CTNNBL1: variants seen among roughly 807,000 people sequenced by gnomAD.
The protein encoded by CTNNBL1 is beta-catenin-like protein 1.
Under a neutral mutation model 72.7 loss-of-function variants are expected in CTNNBL1, and 31 were observed. That is an observed-to-expected ratio of 0.43 (90% CI 0.32 to 0.58). The LOEUF is 0.58. CTNNBL1 is among the 20% of genes least tolerant of loss of function. The pLI is 0.08. For missense variants in CTNNBL1, 534 were observed against 725.1 expected (o/e 0.74, Z 3.03); for synonymous variants, 240 against 267.3 (o/e 0.90, Z 1.00).
chr20:37,840,130 C>T lies in CTNNBL1; in HGVS notation c.1242C>T (p.Leu414=). ...EEHVCSILAS[L]LRNLRGQQRT... ...ATGTCTGTTCGATCCTGGCTTCCCT[C>T]CTGCGGAACCTGAGAGGGCAGCAGC... Residue 414 remains leucine (L), a synonymous_variant, in exon 12 of 16, where the codon CTC becomes CTT. Transcript: ENST00000361383. The T allele has an allele frequency of 6.2e-7, 1 of 1,613,894 alleles. No individual in the cohort carries two copies. The highest frequency in any genetic ancestry group is 8.5e-7 in the Non-Finnish European group (1 of 1,179,868).
At chr20:37,761,377 A>G (rs2073416236) in intron 5 of CTNNBL1, among the ~76,000 whole-genome samples, 1 of 152,212 alleles carries the variant, frequency 6.6e-6, no homozygotes, top group African/African-American at 2.4e-5. Flanking sequence ...TTGAAGCCCT[A>G]TCTTGGTTTG....
At position 37,732,981 on chromosome 20, in the gene CTNNBL1, GA is replaced by G; in HGVS notation, c.136del (p.Met46Ter). 1 of 1,614,072 alleles carries G rather than the reference GA, an allele frequency of 6.2e-7. No homozygotes were observed. Among genetic ancestry groups the G allele is most frequent in the Non-Finnish European group, 8.5e-7 (1 of 1,180,012 alleles). On this transcript the variant is annotated frameshift_variant, in exon 2 of 16. Transcript: ENST00000361383. LOFTEE classifies it high-confidence loss of function. ...TRERGRYREE[E>X]MTVVEEADDD... ...AGAACGCGGCCGCTATCGGGAAGAA[GA>G]AATGACTGTGGTGGAGGAAGCGGAT...
At chr20:37,846,158 G>A (rs2235464) in intron 13 of CTNNBL1, among the ~76,000 whole-genome samples, 1 of 151,870 alleles carries the variant, frequency 6.6e-6, no homozygotes, top group Non-Finnish European at 1.5e-5. Context: ...AGTGGGGAGA[G>A]GTCATCTAAG....
intron 5 of CTNNBL1, among the ~76,000 whole-genome samples, chr20:37,758,550 A>G (rs1184619488): frequency 6.6e-6 from 1 of 152,190 alleles, no homozygotes; most frequent in African/African-American, 2.4e-5. Flanking sequence ...CAGATTCCCC[A>G]GTTCACTGGT....
rs750833123 is a variant in CTNNBL1 at position 37,733,048 on chromosome 20, GGGAAGA to G, written c.215_219+1del. Reference sequence around the variant, plus strand: ...CTGCTGCAGATTATTGACAGAGATGGGGAAGAGGAAGAGGAAGAGGTAACGTGGCAG... The same window carrying G: ...CTGCTGCAGATTATTGACAGAGATGGGGAAGAGGAAGAGGTAACGTGGCAG... On this transcript the variant is annotated inframe_deletion, in exon 2 of 16. Transcript: ENST00000361383. 29 of 1,613,236 alleles carry G rather than the reference GGGAAGA, an allele frequency of 1.8e-5. No individual in the cohort carries two copies. The highest frequency in any genetic ancestry group is 3.3e-5 in the Admixed American group (2 of 59,988).
At chr20:37,714,849 C>T (rs535118958) in intron 1 of CTNNBL1, among the ~76,000 whole-genome samples, 1 of 152,284 alleles carries the variant, frequency 6.6e-6, no homozygotes, top group East Asian at 1.9e-4. Flanking sequence ...CACAACACTG[C>T]TACCCCACAT....
intron 7 of CTNNBL1, among the ~76,000 whole-genome samples, chr20:37,768,872 G>A (rs778520530): frequency 3.3e-5 from 5 of 152,012 alleles, no homozygotes; most frequent in Admixed American, 6.6e-5. Context: ...TCTGCCTCCC[G>A]GGTTAAGGTG....
At chr20:37,789,528 G>T (rs1167541497) in intron 10 of CTNNBL1, among the ~76,000 whole-genome samples, 3 of 152,166 alleles carry the variant, frequency 2.0e-5, no homozygotes, top group Non-Finnish European at 4.4e-5. Flanking sequence ...ACTTACCTGG[G>T]GTGGCCATTT....
chr20:37,865,793 G>A (rs952551523), intron 15 of CTNNBL1, among the ~76,000 whole-genome samples: 2 of 152,340 alleles, frequency 1.3e-5, no homozygotes, highest in South Asian at 2.1e-4. Flanking sequence ...CACAGTGGCT[G>A]GTTTGCAGAG....
In CTNNBL1 at chr20:37,778,401, T is replaced by C. The variant is rs1281228235; in HGVS notation, c.882+689T>C. Among the ~76,000 whole-genome samples, 5 of 152,192 alleles carry C rather than the reference T, an allele frequency of 3.3e-5. No individual in the cohort carries two copies. In the East Asian group the frequency reaches 9.6e-4, roughly 29 times the overall value. On this transcript the variant is annotated intron_variant, in intron 9 of 15. Transcript: ENST00000361383. ...AGTTTGCATACAGCTTCCATCTTGGTGCCAGCAGCCTGAGTGTCTTGGCCT... is the reference window on the plus strand; with the variant it reads ...AGTTTGCATACAGCTTCCATCTTGGCGCCAGCAGCCTGAGTGTCTTGGCCT...
At chr20:37,753,591 C>T (rs2122638888) in intron 4 of CTNNBL1, among the ~76,000 whole-genome samples, 1 of 152,234 alleles carries the variant, frequency 6.6e-6, no homozygotes, top group African/African-American at 2.4e-5. Flanking sequence ...AAAGGGGGGA[C>T]CATGCTCTTG....
chr20:37,844,488 G>T (rs1279325424), intron 13 of CTNNBL1, among the ~76,000 whole-genome samples: 1 of 152,192 alleles, frequency 6.6e-6, no homozygotes, highest in East Asian at 1.9e-4. Context: ...GTGACTGACT[G>T]GTCTTCTAGA....
chr20:37,855,085 G>A (rs1213460368), intron 13 of CTNNBL1, among the ~76,000 whole-genome samples: 6 of 134,556 alleles, frequency 4.5e-5, no homozygotes, highest in Non-Finnish European at 7.7e-5. Flanking sequence ...ATGATCTACC[G>A]AAAGCTGTGA....
intron 11 of CTNNBL1, among the ~76,000 whole-genome samples, chr20:37,809,317 G>C (rs2071989067): frequency 6.6e-6 from 1 of 152,186 alleles, no homozygotes; most frequent in African/African-American, 2.4e-5. Flanking sequence ...GTGGGAGGGA[G>C]ATTATGGTAC....
At chr20:37,845,169 G>A (rs1405916684) in intron 13 of CTNNBL1, among the ~76,000 whole-genome samples, 1 of 152,090 alleles carries the variant, frequency 6.6e-6, no homozygotes, top group Non-Finnish European at 1.5e-5. Context: ...AGAAGGAGTC[G>A]CCTAGCAGAA....
chr20:37,871,434 T>C (rs902537647), intron 15 of CTNNBL1, among the ~76,000 whole-genome samples: 7 of 152,090 alleles, frequency 4.6e-5, no homozygotes, highest in Non-Finnish European at 1.0e-4. Context: ...GGCCGTCCTA[T>C]TGCATCCTCA....
At chr20:37,834,683 G>A (rs529360377) in intron 11 of CTNNBL1, among the ~76,000 whole-genome samples, 3 of 152,220 alleles carry the variant, frequency 2.0e-5, no homozygotes, top group African/African-American at 4.8e-5. Context: ...GGAATCAGGC[G>A]ACTTAGATTC....
At chr20:37,762,749 G>A (rs2073429180) in intron 5 of CTNNBL1, among the ~76,000 whole-genome samples, 1 of 152,056 alleles carries the variant, frequency 6.6e-6, no homozygotes, top group Admixed American at 6.6e-5. Flanking sequence ...TTTTTTGAAG[G>A]GTTTTCTGAG....
intron 4 of CTNNBL1, among the ~76,000 whole-genome samples, chr20:37,746,855 A>C (rs968806596): frequency 3.9e-5 from 6 of 152,250 alleles, no homozygotes; most frequent in Non-Finnish European, 7.3e-5. Flanking sequence ...TAGTACTAGA[A>C]TTCATCGTGA....
Sources: allele counts gnomAD v4.1 joint callset (sites outside exome capture counted in the v4.1 genomes callset), GRCh38; gene constraint gnomAD v4.1.1; transcripts MANE v1.5; gene names NCBI Gene and HGNC (gene_info 2026-07-23, HGNC 2026-07-21).